Variants in ERC1 observed in about 807,000 individuals in gnomAD.
ERC1 encodes RAB6 interacting protein 2.
ERC1 carries 56 observed loss-of-function variants against 132.0 expected under a neutral mutation model. The observed-to-expected ratio is 0.42, with a 90% CI of 0.34 to 0.53. The LOEUF (loss-of-function observed/expected upper bound fraction) is 0.53, where lower values mean the gene tolerates loss of function less well. ERC1 is among the 20% of genes least tolerant of loss of function. The pLI, the probability that ERC1 is intolerant of heterozygous loss-of-function variation, is 0.03. For synonymous variants in ERC1, 478 were observed against 476.1 expected (o/e 1.00, Z -0.05); for missense variants, 1,202 against 1,349.9 (o/e 0.89, Z 1.72).
At chr12:1,241,593 T>C (rs895521800) in intron 13 of ERC1, among the ~76,000 whole-genome samples, 10 of 152,226 alleles carry the variant, frequency 6.6e-5, no homozygotes, top group Non-Finnish European at 1.0e-4. Context: ...GCTGTGTGTA[T>C]GTGTTTGTTT....
chr12:1,292,574 G>A (rs1313521527), intron 15 of ERC1, among the ~76,000 whole-genome samples: 1 of 152,144 alleles, frequency 6.6e-6, no homozygotes, highest in Non-Finnish European at 1.5e-5. Flanking sequence ...ATACTCATGA[G>A]ATGCTTTCTG....
chr12:1,373,461 A>G (rs566942039), intron 16 of ERC1, among the ~76,000 whole-genome samples: 1 of 152,342 alleles, frequency 6.6e-6, no homozygotes, highest in South Asian at 2.1e-4. Flanking sequence ...GTGGCCTCCA[A>G]AGAACATATG....
chr12:1,020,078 C>T (rs1322086592), intron 1 of ERC1, among the ~76,000 whole-genome samples: 1 of 152,010 alleles, frequency 6.6e-6, no homozygotes, highest in African/African-American at 2.4e-5. Context: ...ATATTGTGAT[C>T]CAATATGCGC....
intron 1 of ERC1, among the ~76,000 whole-genome samples, chr12:992,724 C>T (rs993906859): frequency 1.3e-5 from 2 of 152,176 alleles, no homozygotes; most frequent in Non-Finnish European, 2.9e-5. Flanking sequence ...GATTCTTGCT[C>T]CCTGTTAGAT....
At chr12:1,485,352 C>G (rs1262342203) in intron 18 of ERC1, among the ~76,000 whole-genome samples, 8 of 151,588 alleles carry the variant, frequency 5.3e-5, no homozygotes, top group Non-Finnish European at 1.2e-4. Flanking sequence ...TTATAGGCGC[C>G]CGCCACCACG....
intron 4 of ERC1, among the ~76,000 whole-genome samples, chr12:1,105,112 A>G (rs1280101520): frequency 6.6e-6 from 1 of 152,156 alleles, no homozygotes; most frequent in Non-Finnish European, 1.5e-5. Context: ...AAAATGACAG[A>G]CTCACTTCCT....
At chr12:1,005,102 G>T (rs1345381481) in intron 1 of ERC1, among the ~76,000 whole-genome samples, 4 of 152,038 alleles carry the variant, frequency 2.6e-5, no homozygotes, top group Non-Finnish European at 4.4e-5. Context: ...GTAATTTTGA[G>T]TACTTCAAAT....
chr12:1,484,207 A>G (rs1455221483), intron 18 of ERC1, among the ~76,000 whole-genome samples: 1 of 151,802 alleles, frequency 6.6e-6, no homozygotes, highest in African/African-American at 2.4e-5. Flanking sequence ...CGGGAGGCTG[A>G]GGCAGGAGGA....
rs2094342122 is a variant in ERC1 at position 1,494,114 on chromosome 12, G to C, written c.*3884G>C. 4.3e-6 allele frequency: 1 copy of C among 231,990 alleles called. No homozygotes were observed. The highest frequency in any genetic ancestry group is 1.8e-4 in the South Asian group (1 of 5,510). 14.4% of individuals were successfully genotyped at this position (231,990 alleles called of 1,614,324 possible). ...CAGAGAAGACCGCTGCGTGGAGTGT[G>C]ACACCACATGGCATTTCTCAAGCCC... is the stretch of plus-strand genomic sequence containing the variant. On this transcript the variant is annotated 3_prime_UTR_variant, in exon 19 of 19. Transcript: ENST00000360905.
At chr12:1,117,718 CTT>C (rs759771031) in intron 7 of ERC1, among the ~76,000 whole-genome samples, 4 of 152,214 alleles carry the variant, frequency 2.6e-5, no homozygotes, top group Non-Finnish European at 5.9e-5. Context: ...ATAGTAAAGT[CTT>C]TGTACATTCG....
At chr12:1,386,770 A>G (rs991110813) in intron 16 of ERC1, 17 of 152,208 alleles carry the variant, frequency 1.1e-4, no homozygotes, top group African/African-American at 3.4e-4. Flanking sequence ...CACCCCAGCA[A>G]CCAGTTCTCA....
chr12:1,326,872 AT>A (rs770566982), intron 15 of ERC1, among the ~76,000 whole-genome samples: 1 of 151,970 alleles, frequency 6.6e-6, no homozygotes, highest in Non-Finnish European at 1.5e-5. Flanking sequence ...TCCAGGCTCA[AT>A]TATAGACAGT....
intron 15 of ERC1, among the ~76,000 whole-genome samples, 167 bp downstream of exon 15, chr12:1,290,179 C>A (rs187559570): frequency 3.3e-5 from 5 of 152,242 alleles, no homozygotes; most frequent in African/African-American, 1.2e-4. Context: ...TGGAACAAAT[C>A]CTGATCAAAT....
chr12:1,369,710 A>AT (rs1285377220), intron 15 of ERC1, among the ~76,000 whole-genome samples: 4 of 151,906 alleles, frequency 2.6e-5, no homozygotes, highest in African/African-American at 9.7e-5. Flanking sequence ...TGGTCAGTGG[A>AT]TATATTTAGA....
chr12:1,432,544 G>C (rs1160368642), intron 17 of ERC1, among the ~76,000 whole-genome samples: 1 of 152,206 alleles, frequency 6.6e-6, no homozygotes, highest in Non-Finnish European at 1.5e-5. Context: ...TCTTCACAAG[G>C]ATGGGCATAA....
chr12:1,028,560 G>T lies in ERC1; in HGVS notation c.657G>T (p.Gln219His). 6.2e-7 allele frequency: 1 copy of T among 1,607,920 alleles called. No individual in the cohort carries two copies. The highest frequency in any genetic ancestry group is 8.5e-7 in the Non-Finnish European group (1 of 1,177,088). Residue 219 changes from glutamine (Q) to histidine (H), a missense_variant, in exon 2 of 19, where the codon CAG (glutamine) becomes CAT (histidine). Physicochemically the swap from Gln to His is conservative, Grantham distance 24. Coordinates refer to ENST00000360905, the MANE Select transcript of ERC1 (RefSeq NM_178040.4). The stretch of plus-strand genomic sequence containing the variant: ...GGAAGGAACAGTACAGAGTTGTACA[G>T]GAGGAAAACCAGGTAAGTTCTACGT... Reference protein sequence around the residue: ...TIWKEQYRVVQEENQHMQMTI... With the variant: ...TIWKEQYRVVHEENQHMQMTI...
At chr12:1,132,942 G>T (rs1348540045) in intron 7 of ERC1, among the ~76,000 whole-genome samples, 1 of 151,482 alleles carries the variant, frequency 6.6e-6, no homozygotes, top group Non-Finnish European at 1.5e-5. Context: ...TGCAACCTCC[G>T]CCTCCTAGGT....
intron 7 of ERC1, among the ~76,000 whole-genome samples, chr12:1,132,884 TC>T (rs1948898516): frequency 6.6e-6 from 1 of 151,860 alleles, no homozygotes; most frequent in Admixed American, 6.6e-5. Context: ...AGACGGAGTT[TC>T]GCTCTTGTCA....
chr12:1,140,676 A>G (rs891340770), intron 7 of ERC1, among the ~76,000 whole-genome samples: 1 of 152,134 alleles, frequency 6.6e-6, no homozygotes, highest in African/African-American at 2.4e-5. Flanking sequence ...AAGATGAGAG[A>G]CCATAGAACC....
Sources: gnomAD v4.1 joint callset for allele counts (sites outside exome capture counted in the v4.1 genomes callset) on GRCh38, gnomAD v4.1.1 for gene constraint, MANE v1.5 for transcripts, NCBI Gene and HGNC (gene_info 2026-07-23, HGNC 2026-07-21) for gene names.